TTC29: variants seen among roughly 807,000 people sequenced by gnomAD.
TTC29 encodes the protein tetratricopeptide repeat protein 29.
TTC29 carries 49 observed loss-of-function variants against 58.1 expected under a neutral mutation model. The observed-to-expected ratio is 0.84, with a 90% CI of 0.67 to 1.07. The LOEUF (loss-of-function observed/expected upper bound fraction) is 1.07. Ranked by LOEUF, TTC29 falls within the 50% of genes least tolerant of loss-of-function variation. The pLI is 0.00. For synonymous variants in TTC29, 209 were observed against 196.8 expected, an observed-to-expected ratio of 1.06 and a Z score of -0.52; for missense variants, 582 against 555.6, an observed-to-expected ratio of 1.05 and a Z score of -0.48.
chr4:146,768,117 A>T (rs1442109340), intron 11 of TTC29, among the ~76,000 whole-genome samples: 1 of 152,060 alleles, frequency 6.6e-6, no homozygotes, highest in African/African-American at 2.4e-5. Flanking sequence ...GTGTTATGAT[A>T]TGTAATTTTT....
chr4:146,882,251 T>C (rs897283981), intron 6 of TTC29, among the ~76,000 whole-genome samples: 1 of 152,168 alleles, frequency 6.6e-6, no homozygotes, highest in African/African-American at 2.4e-5. Flanking sequence ...TCTTGGCCAA[T>C]AAACCTCCCA....
chr4:146,912,221 A>G (rs960358003), intron 4 of TTC29, among the ~76,000 whole-genome samples: 2 of 152,186 alleles, frequency 1.3e-5, no homozygotes, highest in Non-Finnish European at 2.9e-5. Context: ...TGGGTTGGAC[A>G]AGCTTGTTCC....
chr4:146,873,758 T>C (rs560272895), intron 7 of TTC29, among the ~76,000 whole-genome samples: 2 of 152,290 alleles, frequency 1.3e-5, no homozygotes, highest in African/African-American at 4.8e-5. Context: ...TTGACTAATA[T>C]TATTAAAAGA....
At chr4:146,818,837 A>G (rs1170133194) in intron 10 of TTC29, among the ~76,000 whole-genome samples, 2 of 152,110 alleles carry the variant, frequency 1.3e-5, no homozygotes, top group African/African-American at 4.8e-5. Context: ...CGCAAGGACA[A>G]AAAACCAAAC....
intron 5 of TTC29, among the ~76,000 whole-genome samples, chr4:146,908,424 G>A (rs1306084895): frequency 1.3e-5 from 2 of 151,830 alleles, no homozygotes; most frequent in African/African-American, 2.4e-5. Context: ...TTTAATACTT[G>A]GAATGTATAC....
At chr4:146,924,984 T>C (rs1182319680) in intron 4 of TTC29, among the ~76,000 whole-genome samples, 1 of 152,034 alleles carries the variant, frequency 6.6e-6, no homozygotes, top group Non-Finnish European at 1.5e-5. Context: ...TATTTAGAAG[T>C]ATGTTGTCTT....
At chr4:146,752,604 A>G (rs1360269015) in intron 11 of TTC29, among the ~76,000 whole-genome samples, 3 of 151,948 alleles carry the variant, frequency 2.0e-5, no homozygotes, top group Admixed American at 6.5e-5. Context: ...GTCAATCCTA[A>G]GCCAAAAGAA....
chr4:146,712,073 G>A (rs1172039464), intron 11 of TTC29, among the ~76,000 whole-genome samples: 5 of 151,822 alleles, frequency 3.3e-5, no homozygotes, highest in South Asian at 2.1e-4. Context: ...TAATATGATG[G>A]TTGTATAGGT....
At chr4:146,926,073 A>C (rs2150311038) in intron 4 of TTC29, among the ~76,000 whole-genome samples, 1 of 152,334 alleles carries the variant, frequency 6.6e-6, no homozygotes, top group African/African-American at 2.4e-5. Context: ...AATAGCACAC[A>C]ATAATCATTT....
chr4:146,867,491 A>G lies in TTC29; in HGVS notation c.885+7T>C. 7.0e-7 allele frequency: 1 copy of G among 1,419,380 alleles called. No homozygotes were observed. 87.9% of individuals were successfully genotyped at this position (1,419,380 alleles called of 1,614,324 possible). A position where few individuals can be genotyped will look rare whatever the true frequency, so the allele number is the denominator to read the frequency against. ...TAAAAATGGCAGTGATTAAAAGTTT[A>G]GCTTACTGTTAATGCTGTTTCATAT... On this transcript the variant is annotated splice_region_variant and intron_variant, in intron 8 of 12. Coordinates refer to ENST00000325106, the MANE Select transcript of TTC29 (RefSeq NM_031956.4).
At chr4:146,800,212 A>G (rs1344854885) in intron 11 of TTC29, among the ~76,000 whole-genome samples, 1 of 152,108 alleles carries the variant, frequency 6.6e-6, no homozygotes, top group Non-Finnish European at 1.5e-5. Flanking sequence ...TTCCCTCTGA[A>G]AGGTATAAAG....
intron 11 of TTC29, among the ~76,000 whole-genome samples, chr4:146,766,750 A>G (rs1747351854): frequency 3.9e-5 from 6 of 152,080 alleles, no homozygotes; most frequent in Admixed American, 3.9e-4. Flanking sequence ...AAATTGTTAA[A>G]TAATTTTTTC....
chr4:146,830,958 G>A (rs756323632), intron 9 of TTC29, among the ~76,000 whole-genome samples: 4 of 152,110 alleles, frequency 2.6e-5, no homozygotes, highest in Non-Finnish European at 5.9e-5. Context: ...AGAATTTTAG[G>A]TTTGGAAAAT....
intron 11 of TTC29, among the ~76,000 whole-genome samples, chr4:146,758,052 GA>G (rs1208957890): frequency 6.6e-6 from 1 of 152,080 alleles, no homozygotes; most frequent in Non-Finnish European, 1.5e-5. Flanking sequence ...TAGAACCACA[GA>G]ATGGATAAGA....
intron 11 of TTC29, among the ~76,000 whole-genome samples, chr4:146,766,088 T>C (rs1447011559): frequency 6.6e-6 from 1 of 152,058 alleles, no homozygotes; most frequent in East Asian, 1.9e-4. Flanking sequence ...GTGTCTTAGT[T>C]CAACTGTGCT....
At chr4:146,808,283 ATACT>A (rs1164240264) in intron 10 of TTC29, among the ~76,000 whole-genome samples, 1 of 152,220 alleles carries the variant, frequency 6.6e-6, no homozygotes, top group Non-Finnish European at 1.5e-5. Context: ...AGCCAATATC[ATACT>A]TAATGGGCAC....
At chr4:146,853,732 C>G (rs933066272) in intron 8 of TTC29, among the ~76,000 whole-genome samples, 1 of 152,158 alleles carries the variant, frequency 6.6e-6, no homozygotes, top group Admixed American at 6.5e-5. Flanking sequence ...ACAAAGCTAT[C>G]ATTTACTGAA....
chr4:146,720,037 A>AT (rs960038426), intron 11 of TTC29, among the ~76,000 whole-genome samples: 25 of 152,228 alleles, frequency 1.6e-4, no homozygotes, highest in African/African-American at 6.0e-4. Context: ...TTCACTTAAG[A>AT]TTTTGTCCCT....
intron 11 of TTC29, among the ~76,000 whole-genome samples, chr4:146,799,038 C>A (rs1561135248): frequency 1.3e-5 from 2 of 151,710 alleles, no homozygotes; most frequent in Non-Finnish European, 2.9e-5. Flanking sequence ...AAAATGAAAT[C>A]TTTTGCTGAA....
Sources: allele counts gnomAD v4.1 joint callset (sites outside exome capture counted in the v4.1 genomes callset), GRCh38; gene constraint gnomAD v4.1.1; transcripts MANE v1.5; gene names NCBI Gene and HGNC (gene_info 2026-07-23, HGNC 2026-07-21).